The following CLTRN variants were observed in gnomAD, a reference collection of about 807,000 sequenced individuals.
CLTRN encodes the protein collectrin.
Under a neutral mutation model 14.5 loss-of-function variants are expected in CLTRN, and 12 were observed. The ratio of observed to expected loss-of-function variants is 0.83; its 90% CI spans 0.53 to 1.34. The LOEUF (loss-of-function observed/expected upper bound fraction) is 1.34. CLTRN is among the 40% of genes most tolerant of loss of function. The pLI is 0.00. For synonymous variants in CLTRN, 58 were observed against 56.5 expected, an observed-to-expected ratio of 1.03 and a Z score of -0.12; for missense variants, 154 against 165.1, an observed-to-expected ratio of 0.93 and a Z score of 0.37.
At chrX:15,631,241 G>C (rs910408582) in intron 5 of CLTRN, among the ~76,000 whole-genome samples, 1 of 111,719 alleles carries the variant, frequency 9.0e-6, no homozygotes, top group Non-Finnish European at 1.9e-5. Context: ...TCCTCACTGG[G>C]CTTGGAGTGA....
chrX:15,642,654 G>GA (rs1008287614), intron 4 of CLTRN, among the ~76,000 whole-genome samples: 2 of 112,234 alleles, frequency 1.8e-5, no homozygotes, highest in Non-Finnish European at 3.8e-5. Context: ...TGGTAAACAG[G>GA]AAAAATCACT....
At chrX:15,670,505 A>G (rs1929698198) in intron 1 of CLTRN, among the ~76,000 whole-genome samples, 1 of 111,929 alleles carries the variant, frequency 8.9e-6, no homozygotes, top group Non-Finnish European at 1.9e-5. Flanking sequence ...TGTTTGTATT[A>G]TTAATAATTT....
intron 5 of CLTRN, among the ~76,000 whole-genome samples, chrX:15,631,647 C>A (rs1928697228): frequency 8.9e-6 from 1 of 111,886 alleles, no homozygotes; most frequent in Non-Finnish European, 1.9e-5. Flanking sequence ...ATATCTCAAC[C>A]AAAAAGATTC....
At chrX:15,659,439 TC>T (rs1929453065) in intron 2 of CLTRN, among the ~76,000 whole-genome samples, 1 of 111,208 alleles carries the variant, frequency 9.0e-6, no homozygotes, top group South Asian at 3.8e-4. Flanking sequence ...CTTTCTCTTT[TC>T]CCTCATAAAC....
chrX:15,664,859 C>A (rs995544567), upstream of CLTRN: 4 of 826,692 alleles, frequency 4.8e-6, no homozygotes, highest in Admixed American at 1.0e-4. Context: ...TTCTGTGACC[C>A]GGATTAGAAT....
intron 3 of CLTRN, among the ~76,000 whole-genome samples, chrX:15,655,173 G>C (rs1929319511): frequency 8.9e-6 from 1 of 111,835 alleles, no homozygotes; most frequent in African/African-American, 3.3e-5. Context: ...CTCCCTCCCT[G>C]CCTGTGCTCC....
intron 3 of CLTRN, chrX:15,646,634 C>A (rs1929081201): frequency 2.9e-6 from 1 of 339,873 alleles, no homozygotes; most frequent in African/African-American, 2.7e-5. Flanking sequence ...GCATCCGCAT[C>A]CGGAGAGAGA....
At chrX:15,636,522 A>G (rs1928822716) in intron 5 of CLTRN, among the ~76,000 whole-genome samples, 1 of 112,095 alleles carries the variant, frequency 8.9e-6, no homozygotes, top group African/African-American at 3.2e-5. Context: ...ACATATATCA[A>G]AACATCACCT....
chrX:15,650,009 C>G (rs6629114), intron 3 of CLTRN, among the ~76,000 whole-genome samples: 25,129 of 102,642 alleles, frequency 0.24, 2,674 homozygotes, highest in East Asian at 0.51. Context: ...GCACCATTAA[C>G]ATTTTAGCCT....
intron 3 of CLTRN, chrX:15,646,847 A>G: frequency 3.2e-6 from 1 of 314,014 alleles, no homozygotes; most frequent in Non-Finnish European, 6.2e-6. Flanking sequence ...GCCCCGCCCG[A>G]GCGCAGAGGG....
At chrX:15,633,603 T>A (rs1428758627) in intron 5 of CLTRN, among the ~76,000 whole-genome samples, 1 of 113,031 alleles carries the variant, frequency 8.8e-6, no homozygotes, top group Admixed American at 9.3e-5. Flanking sequence ...TTAAGACTAT[T>A]CATTTAATTA....
chrX:15,656,503 C>G (rs1335280206), intron 3 of CLTRN, among the ~76,000 whole-genome samples: 1 of 111,303 alleles, frequency 9.0e-6, no homozygotes, highest in Non-Finnish European at 1.9e-5. Context: ...CAGCCAGTCC[C>G]AAAACTTGGA....
At chrX:15,631,946 T>A (rs1928704226) in intron 5 of CLTRN, among the ~76,000 whole-genome samples, 1 of 112,472 alleles carries the variant, frequency 8.9e-6, no homozygotes, top group African/African-American at 3.2e-5. Flanking sequence ...TCTTTCTGGA[T>A]CATTCTGATT....
chrX:15,672,884 CAT>C (rs1336956152), intron 1 of CLTRN, among the ~76,000 whole-genome samples: 1 of 112,183 alleles, frequency 8.9e-6, no homozygotes, highest in Non-Finnish European at 1.9e-5. Flanking sequence ...TGGGAGTTGA[CAT>C]GTGAGTTGAA....
intron 1 of CLTRN, among the ~76,000 whole-genome samples, chrX:15,673,273 A>C (rs2147219819): frequency 8.9e-6 from 1 of 112,697 alleles, no homozygotes; most frequent in East Asian, 2.8e-4. Context: ...GCTTAGAGTG[A>C]GATCTCTTGC....
At chrX:15,650,694 T>C (rs994201493) in intron 3 of CLTRN, among the ~76,000 whole-genome samples, 3 of 111,943 alleles carry the variant, frequency 2.7e-5, no homozygotes, top group African/African-American at 9.8e-5. Flanking sequence ...ATGTAACTCG[T>C]CTCAAGATTC....
At chrX:15,671,765 A>G (rs781454140) in intron 1 of CLTRN, among the ~76,000 whole-genome samples, 1 of 110,888 alleles carries the variant, frequency 9.0e-6, no homozygotes, top group Non-Finnish European at 1.9e-5. Context: ...TAAAAAGATA[A>G]ATGAGCTTAT....
At chrX:15,655,423 C>T (rs755780438) in intron 3 of CLTRN, among the ~76,000 whole-genome samples, 6 of 111,625 alleles carry the variant, frequency 5.4e-5, no homozygotes, top group Non-Finnish European at 9.4e-5. Flanking sequence ...ATGGGTGACA[C>T]GCTGACTGAT....
At chrX:15,672,446 T>C (rs1458632737) in intron 1 of CLTRN, among the ~76,000 whole-genome samples, 2 of 106,615 alleles carry the variant, frequency 1.9e-5, no homozygotes, top group Non-Finnish European at 3.9e-5. Flanking sequence ...TGCCCACCAG[T>C]TGGAGGTCAC....
Sources: gnomAD v4.1 joint callset for allele counts (sites outside exome capture counted in the v4.1 genomes callset) on GRCh38, gnomAD v4.1.1 for gene constraint, MANE v1.5 for transcripts, NCBI Gene and HGNC (gene_info 2026-07-23, HGNC 2026-07-21) for gene names.